Variants in CRACDL observed in about 807,000 individuals in gnomAD.
CRACDL encodes the protein CRACD like, also known as CRACD-like protein.
CRACDL carries 26 observed loss-of-function variants against 70.6 expected under a neutral mutation model. The observed-to-expected ratio is 0.37, with a 90% CI of 0.27 to 0.51. The LOEUF (loss-of-function observed/expected upper bound fraction) is 0.51, where lower values mean the gene tolerates loss of function less well. Among genes scored for constraint, CRACDL ranks in the 20% least tolerant of loss-of-function variants. The pLI is 0.94. For synonymous variants in CRACDL, 618 were observed against 615.2 expected, an observed-to-expected ratio of 1.00 and a Z score of -0.07; for missense variants, 1,283 against 1,376.9, an observed-to-expected ratio of 0.93 and a Z score of 1.08.
intron 1 of CRACDL, among the ~76,000 whole-genome samples, chr2:98,930,620 C>T (rs1446297085): frequency 6.6e-6 from 1 of 151,916 alleles, no homozygotes; most frequent in Non-Finnish European, 1.5e-5. Flanking sequence ...GTGTCACCTA[C>T]CCCTCTTCCG....
chr2:98,796,393 C>T lies in CRACDL; in HGVS notation c.2605-129G>A. 6.8e-6 allele frequency: 6 copies of T among 883,110 alleles called. 1 individual carries two copies. The highest frequency in any genetic ancestry group is 3.1e-5 in the South Asian group (2 of 64,442). 54.7% of individuals were successfully genotyped at this position (883,110 alleles called of 1,614,324 possible). A position where few individuals can be genotyped will look rare whatever the true frequency, so the allele number is the denominator to read the frequency against. Reference sequence around the variant, plus strand: ...CACTGCTGGCACTTTCTCGGGAGGGCGCCCTGGTGTCAGCTCACTAACACC... The same window carrying T: ...CACTGCTGGCACTTTCTCGGGAGGGTGCCCTGGTGTCAGCTCACTAACACC... On this transcript the variant is annotated intron_variant, in intron 8 of 9. Transcript: ENST00000397899.
intron 1 of CRACDL, among the ~76,000 whole-genome samples, chr2:98,856,045 G>T (rs1016205649): frequency 2.6e-5 from 4 of 152,064 alleles, no homozygotes; most frequent in African/African-American, 7.2e-5. Flanking sequence ...GAAAAATGTA[G>T]AAAAATGATT....
chr2:98,833,052 G>C, intron 3 of CRACDL, 55 bp from the exon 4 acceptor site: 1 of 1,523,998 alleles, frequency 6.6e-7, no homozygotes, highest in Non-Finnish European at 8.9e-7. Context: ...ACTGACCCCT[G>C]GGGGGCTCAG....
intron 2 of CRACDL, among the ~76,000 whole-genome samples, chr2:98,843,200 G>A (rs1444284037): frequency 1.3e-5 from 2 of 151,982 alleles, no homozygotes; most frequent in East Asian, 3.9e-4. Context: ...CATCTTCTTA[G>A]GTAAAGCATG....
chr2:98,835,130 A>G (rs2104507508), intron 3 of CRACDL, among the ~76,000 whole-genome samples: 1 of 152,350 alleles, frequency 6.6e-6, no homozygotes, highest in Non-Finnish European at 1.5e-5. Context: ...TTCAAGTGTA[A>G]GAGAAAAGAG....
At chr2:98,832,243 TGCACA>T (rs1705572522) in intron 5 of CRACDL, 100 bp downstream of exon 5, 1 of 1,264,790 alleles carries the variant, frequency 7.9e-7, no homozygotes, top group South Asian at 1.2e-5. Context: ...GGCCACACCA[TGCACA>T]GCCTGGAGAT....
Position 98,930,177 on chromosome 2 carries a change from G to A in CRACDL, c.-11+5761C>T, listed in dbSNP as rs375562826. Among the ~76,000 whole-genome samples the A allele has an allele frequency of 3.9e-4, 59 of 152,154 alleles. 1 individual carries two copies. Among genetic ancestry groups the A allele is most frequent in the East Asian group, 2.5e-3 (13 of 5,160 alleles). ...TGGCCCAGGGCACCTCCCATCCGTG[G>A]CCCCCATGCAAGTGCTTCAAGTCAG... On this transcript the variant is annotated intron_variant, in intron 1 of 9. Coordinates refer to ENST00000397899, the MANE Select transcript of CRACDL (RefSeq NM_207362.3).
At chr2:98,833,679 G>A (rs1472995354) in intron 3 of CRACDL, among the ~76,000 whole-genome samples, 1 of 152,174 alleles carries the variant, frequency 6.6e-6, no homozygotes, top group Non-Finnish European at 1.5e-5. Context: ...TGAACCCCCA[G>A]GACATTCACA....
chr2:98,849,075 C>T (rs1030786173), intron 1 of CRACDL, among the ~76,000 whole-genome samples: 1 of 152,194 alleles, frequency 6.6e-6, no homozygotes, highest in Admixed American at 6.5e-5. Context: ...AGGGCAGAGC[C>T]CTGAGCTGTC....
intron 1 of CRACDL, among the ~76,000 whole-genome samples, chr2:98,894,745 T>C (rs1708073069): frequency 6.6e-6 from 1 of 152,202 alleles, no homozygotes. Flanking sequence ...TCAACAGTTA[T>C]GATCTCCCTA....
chr2:98,863,019 GTTTATGTGTGTGTATGTATAAAACATCCA>G (rs1706998843), intron 1 of CRACDL, among the ~76,000 whole-genome samples: 1 of 151,680 alleles, frequency 6.6e-6, no homozygotes, highest in Non-Finnish European at 1.5e-5. Context: ...ACACACATAT[GTTTATGTGTGTGTATGTATAAAACATCCA>G]TTTAGCTCAA....
At chr2:98,797,645 G>C (rs933279672) in intron 7 of CRACDL, 108 bp from the exon 8 acceptor site, 34 of 1,037,476 alleles carry the variant, frequency 3.3e-5, no homozygotes, top group Non-Finnish European at 4.5e-5. Context: ...AGGGTTGCAG[G>C]GTGTCTGGGA....
At chr2:98,903,509 A>G (rs1708334201) in intron 1 of CRACDL, among the ~76,000 whole-genome samples, 1 of 152,224 alleles carries the variant, frequency 6.6e-6, no homozygotes, top group Admixed American at 6.5e-5. Flanking sequence ...GTGAGGCATA[A>G]GAGCGGACAT....
chr2:98,916,497 A>G (rs867709906), intron 1 of CRACDL, among the ~76,000 whole-genome samples: 1 of 119,814 alleles, frequency 8.3e-6, no homozygotes, highest in South Asian at 2.5e-4. Context: ...TGATACCTCA[A>G]TAAAGCTGTT....
At chr2:98,828,049 C>T (rs906407613) in intron 5 of CRACDL, among the ~76,000 whole-genome samples, 7 of 152,162 alleles carry the variant, frequency 4.6e-5, no homozygotes, top group African/African-American at 1.2e-4. Flanking sequence ...TACTTCAGCA[C>T]GGAAGAACTG....
chr2:98,830,863 G>A (rs925428174), intron 5 of CRACDL, among the ~76,000 whole-genome samples: 18 of 152,172 alleles, frequency 1.2e-4, no homozygotes, highest in Admixed American at 3.9e-4. Context: ...CCTGGCTAAA[G>A]GCAGAGAACT....
rs750553841 is a variant in CRACDL at position 98,822,549 on chromosome 2, G to A, written c.1724C>T (p.Ser575Leu). The change falls in exon 7 of 10, where the codon TCG becomes TTG. Residue 575 changes from serine to leucine, a missense_variant. By Grantham distance (145) the Ser-to-Leu change is moderately radical (BLOSUM62 -2). Transcript: ENST00000397899. This position sits in a 1 kb window ranked among gnomAD's most constrained non-coding sequence, Gnocchi z 4.9. ...GAELRGAKKF[S>L]VSSCRARPRP... ...AGGCCGCGCTCGGCACGAGGACACC[G>A]AGAACTTCTTCGCGCCTCGCAGCTC... is the stretch of plus-strand genomic sequence containing the variant. 10 of 1,468,586 alleles carry A rather than the reference G, an allele frequency of 6.8e-6. No homozygotes were observed. The Admixed American group carries it at 1.7e-4, about 25-fold the overall frequency. The allele number at this position is 1,468,586 out of a possible 1,614,324, so 91.0% of individuals were successfully genotyped here.
chr2:98,813,398 C>T (rs887752033), intron 7 of CRACDL, among the ~76,000 whole-genome samples: 5 of 152,118 alleles, frequency 3.3e-5, no homozygotes, highest in African/African-American at 1.2e-4. Context: ...AGCCATTGCA[C>T]TCCAGCTTGG....
intron 1 of CRACDL, among the ~76,000 whole-genome samples, chr2:98,897,107 C>T (rs566283096): frequency 5.3e-4 from 80 of 152,074 alleles, no homozygotes; most frequent in Middle Eastern, 3.4e-3. Flanking sequence ...CCCCATGCTG[C>T]TCCTTTATAG....
Sources: gnomAD v4.1 joint callset for allele counts (sites outside exome capture counted in the v4.1 genomes callset) on GRCh38, gnomAD v4.1.1 for gene constraint, Gnocchi (gnomAD v3.1) non-coding constraint, MANE v1.5 for transcripts, NCBI Gene and HGNC (gene_info 2026-07-23, HGNC 2026-07-21) for gene names.